RARB: variants seen among roughly 807,000 people sequenced by gnomAD.
RARB encodes retinoic acid receptor beta.
A neutral mutation model predicts 51.9 loss-of-function variants in RARB; 17 were observed. The observed-to-expected ratio is 0.33, with a 90% CI of 0.22 to 0.49. RARB has a LOEUF of 0.49. RARB is among the 20% of genes least tolerant of loss of function. RARB has a pLI of 0.99. For missense variants in RARB, 369 were observed against 550.8 expected, an observed-to-expected ratio of 0.67 and a Z score of 3.30; for synonymous variants, 215 against 195.4, an observed-to-expected ratio of 1.10 and a Z score of -0.84.
At chr3:25,445,788 G>A (rs9871338) in intron 1 of RARB, among the ~76,000 whole-genome samples, 3,631 of 152,278 alleles carry the variant, frequency 0.024, 144 homozygotes, top group African/African-American at 0.082. Context: ...CAATTGGAGC[G>A]AAAAGATGGC....
chr3:25,204,497 CA>C (rs1191813169), intron 5 of RARB, among the ~76,000 whole-genome samples: 2 of 152,184 alleles, frequency 1.3e-5, no homozygotes, highest in Admixed American at 6.5e-5. Flanking sequence ...GGAGGAGAGG[CA>C]CTCTGATTTT....
chr3:25,015,055 T>C (rs1697479160), intron 2 of RARB, among the ~76,000 whole-genome samples: 1 of 152,208 alleles, frequency 6.6e-6, no homozygotes, highest in Admixed American at 6.6e-5. Context: ...ATCAGGACTT[T>C]TCCACATTTT....
At chr3:25,590,291 T>A (rs1183289206) in intron 5 of RARB, among the ~76,000 whole-genome samples, 1 of 152,230 alleles carries the variant, frequency 6.6e-6, no homozygotes, top group Admixed American at 6.5e-5. Flanking sequence ...AGTTTGGATA[T>A]GGATTTCTAA....
intron 5 of RARB, among the ~76,000 whole-genome samples, chr3:25,372,406 A>C (rs956672518): frequency 2.6e-5 from 4 of 152,248 alleles, no homozygotes; most frequent in East Asian, 3.8e-4. Flanking sequence ...TGATTTTAAT[A>C]AATCACTCTG....
At chr3:24,900,217 C>A (rs552134165) in intron 2 of RARB, among the ~76,000 whole-genome samples, 1 of 152,054 alleles carries the variant, frequency 6.6e-6, no homozygotes, top group African/African-American at 2.4e-5. Flanking sequence ...ATGTCTGCAG[C>A]GTGTGTAACT....
At chr3:24,967,521 C>T (rs1696302139) in intron 2 of RARB, among the ~76,000 whole-genome samples, 1 of 152,158 alleles carries the variant, frequency 6.6e-6, no homozygotes, top group Non-Finnish European at 1.5e-5. Flanking sequence ...GTTTCTCCGA[C>T]ATGCATGCAT....
chr3:25,069,937 A>T (rs926098464), intron 3 of RARB, among the ~76,000 whole-genome samples: 1 of 152,202 alleles, frequency 6.6e-6, no homozygotes, highest in Non-Finnish European at 1.5e-5. Context: ...GTCATGACGA[A>T]GTGCCACAAG....
At chr3:25,476,522 GAAA>G (rs1044513034) in intron 2 of RARB, among the ~76,000 whole-genome samples, 3 of 151,820 alleles carry the variant, frequency 2.0e-5, no homozygotes, top group African/African-American at 7.3e-5. Context: ...GTAGATTTAG[GAAA>G]AAAAATTGTG....
chr3:25,225,346 G>A (rs1403270123), intron 5 of RARB, among the ~76,000 whole-genome samples: 1 of 152,180 alleles, frequency 6.6e-6, no homozygotes, highest in East Asian at 1.9e-4. Flanking sequence ...TGATAAAGGT[G>A]ATTCCTGGGG....
chr3:25,174,007 A>G (rs1265627456), intron 4 of RARB: 2 of 156,570 alleles, frequency 1.3e-5, no homozygotes, highest in African/African-American at 4.8e-5. Context: ...TAACTGTAGG[A>G]AGACAAGGAA....
intron 5 of RARB, among the ~76,000 whole-genome samples, chr3:25,320,495 C>G (rs567188686): frequency 2.0e-5 from 3 of 152,182 alleles, no homozygotes; most frequent in Middle Eastern, 3.4e-3. Context: ...GCCTGTCTGC[C>G]CTGACTCCAT....
intron 2 of RARB, among the ~76,000 whole-genome samples, chr3:24,950,696 A>C (rs920688499): frequency 9.6e-5 from 14 of 146,454 alleles, no homozygotes; most frequent in African/African-American, 3.7e-4. Context: ...AGGCAGGAGA[A>C]GAGGAAGCAG....
chr3:25,279,778 G>C (rs1423622718), intron 5 of RARB, among the ~76,000 whole-genome samples: 2 of 152,096 alleles, frequency 1.3e-5, no homozygotes, highest in Non-Finnish European at 2.9e-5. Flanking sequence ...TTCCTCCTCT[G>C]CTCTGTGTTG....
chr3:25,195,040 A>C (rs1022622120), intron 5 of RARB, among the ~76,000 whole-genome samples: 2 of 152,056 alleles, frequency 1.3e-5, no homozygotes, highest in Non-Finnish European at 2.9e-5. Flanking sequence ...TTAACAAAAA[A>C]GTTTCAAATG....
At position 25,428,425 on chromosome 3, in the gene RARB, G is replaced by T; in HGVS notation, c.-307G>T. 1 of 1,276,932 alleles carries T rather than the reference G, an allele frequency of 7.8e-7. No individual in the cohort carries two copies. The highest frequency in any genetic ancestry group is 9.9e-7 in the Non-Finnish European group (1 of 1,013,766). The allele number at this position is 1,276,932 out of a possible 1,614,324, so 79.1% of individuals were successfully genotyped here. On this transcript the variant is annotated 5_prime_UTR_variant, in exon 1 of 8. Coordinates refer to ENST00000330688, the MANE Select transcript of RARB (RefSeq NM_000965.5). ...CTGGGCACCGTCGGGGTAGGATCCG[G>T]AACGCATTCGGAAGGCTTTTTGCAA...
At chr3:24,862,161 A>G (rs143170711) in intron 2 of RARB, among the ~76,000 whole-genome samples, 1 of 152,348 alleles carries the variant, frequency 6.6e-6, no homozygotes, top group African/African-American at 2.4e-5. Flanking sequence ...AATGAAGGAA[A>G]GAACTGCTGC....
intron 3 of RARB, among the ~76,000 whole-genome samples, chr3:25,551,884 A>G (rs1401994472): frequency 1.3e-5 from 2 of 152,210 alleles, no homozygotes; most frequent in East Asian, 1.9e-4. Context: ...GAAGTTAGCA[A>G]TAGTTCTGAG....
chr3:25,475,692 A>T (rs1695911931), intron 2 of RARB, among the ~76,000 whole-genome samples: 1 of 152,162 alleles, frequency 6.6e-6, no homozygotes, highest in African/African-American at 2.4e-5. Context: ...CTCTCCTCTC[A>T]TGGAAGTCCT....
intron 2 of RARB, among the ~76,000 whole-genome samples, chr3:24,941,182 A>C (rs1295206156): frequency 3.3e-5 from 5 of 151,832 alleles, no homozygotes; most frequent in Admixed American, 3.3e-4. Flanking sequence ...TGGAGGGTGG[A>C]TAGGGAAATT....
Sources: allele counts gnomAD v4.1 joint callset (sites outside exome capture counted in the v4.1 genomes callset), GRCh38; gene constraint gnomAD v4.1.1; transcripts MANE v1.5; gene names NCBI Gene and HGNC (gene_info 2026-07-23, HGNC 2026-07-21).